Variants in SYT1 observed in about 807,000 individuals in gnomAD.
The protein encoded by SYT1 is synaptotagmin 1.
SYT1 carries 8 observed loss-of-function variants against 44.8 expected under a neutral mutation model. That is an observed-to-expected ratio of 0.18 (90% CI 0.10 to 0.32). The LOEUF (loss-of-function observed/expected upper bound fraction) is 0.32, where lower values mean the gene tolerates loss of function less well. Ranked by LOEUF, SYT1 falls within the 10% of genes least tolerant of loss-of-function variation. The probability of loss-of-function intolerance (pLI) is 1.00; values close to 1 mark genes in which losing one functional copy is unlikely to be tolerated. For missense variants in SYT1, 286 were observed against 509.3 expected (o/e 0.56, Z 4.22); for synonymous variants, 154 against 188.8 (o/e 0.82, Z 1.51).
intron 4 of SYT1, among the ~76,000 whole-genome samples, chr12:79,260,162 C>T (rs991946439): frequency 7.2e-5 from 11 of 152,156 alleles, no homozygotes; most frequent in Non-Finnish European, 4.4e-5. Flanking sequence ...TTTCATTGAA[C>T]TTCAAAGAAA....
intron 4 of SYT1, among the ~76,000 whole-genome samples, chr12:79,258,328 G>C (rs560978149): frequency 2.6e-4 from 39 of 152,214 alleles, no homozygotes; most frequent in Non-Finnish European, 4.7e-4. Context: ...TCAAAGGAAA[G>C]AGAGTACCAA....
intron 2 of SYT1, among the ~76,000 whole-genome samples, chr12:79,010,368 G>A (rs1004867010): frequency 6.6e-6 from 1 of 152,060 alleles, no homozygotes; most frequent in Non-Finnish European, 1.5e-5. Flanking sequence ...TGCCTACTAT[G>A]GAATCCTCCA....
intron 1 of SYT1, among the ~76,000 whole-genome samples, chr12:78,906,109 G>T (rs1875966345): frequency 6.6e-6 from 1 of 151,892 alleles, no homozygotes; most frequent in Admixed American, 6.6e-5. Context: ...AAAGAAATTT[G>T]TGTATTTAGA....
intron 2 of SYT1, among the ~76,000 whole-genome samples, chr12:78,992,441 G>C (rs902722196): frequency 6.6e-6 from 1 of 152,174 alleles, no homozygotes; most frequent in Non-Finnish European, 1.5e-5. Context: ...TTAGTGGCTT[G>C]TGATTGGCAT....
intron 1 of SYT1, among the ~76,000 whole-genome samples, chr12:78,875,576 C>T (rs1208839709): frequency 6.6e-6 from 1 of 151,510 alleles, no homozygotes; most frequent in Non-Finnish European, 1.5e-5. Flanking sequence ...GGTATAAAGA[C>T]ACTGGTTTTA....
chr12:78,955,530 G>A (rs978028912), intron 1 of SYT1: 1 of 152,060 alleles, frequency 6.6e-6, no homozygotes, highest in Admixed American at 6.6e-5. Flanking sequence ...CATTCCTTAT[G>A]GTGGTAACTT....
chr12:79,006,450 G>T (rs1871088933), intron 2 of SYT1, among the ~76,000 whole-genome samples: 1 of 152,004 alleles, frequency 6.6e-6, no homozygotes, highest in Non-Finnish European at 1.5e-5. Flanking sequence ...CTGTAAATGA[G>T]GTCTAGACAA....
At chr12:79,219,025 A>G (rs768561057) in intron 4 of SYT1, among the ~76,000 whole-genome samples, 1 of 151,926 alleles carries the variant, frequency 6.6e-6, no homozygotes, top group Admixed American at 6.6e-5. Flanking sequence ...GCCAACACTT[A>G]TATTTGATTT....
At chr12:79,179,360 A>AGATATAGATATATCGATATATCTATATC (rs1872269598) in intron 3 of SYT1, among the ~76,000 whole-genome samples, 1 of 66,450 alleles carries the variant, frequency 1.5e-5, no homozygotes, top group African/African-American at 8.1e-5. Flanking sequence ...ATATCGATAT[A>AGATATAGATATATCGATATATCTATATC]GATATAGATA....
At chr12:79,128,945 T>C (rs992806874) in intron 3 of SYT1, among the ~76,000 whole-genome samples, 1 of 152,164 alleles carries the variant, frequency 6.6e-6, no homozygotes, top group Non-Finnish European at 1.5e-5. Flanking sequence ...GAATTTTGTG[T>C]TTGTGTTTCA....
intron 4 of SYT1, among the ~76,000 whole-genome samples, chr12:79,273,514 G>A (rs902103321): frequency 6.6e-6 from 1 of 152,148 alleles, no homozygotes; most frequent in Non-Finnish European, 1.5e-5. Flanking sequence ...AGAAAACTGT[G>A]AGTCTCCAAA....
intron 3 of SYT1, among the ~76,000 whole-genome samples, chr12:79,066,489 T>A (rs200959955): frequency 4.4e-4 from 58 of 132,610 alleles, no homozygotes; most frequent in African/African-American, 1.5e-3. Flanking sequence ...AAAAAAAAAA[T>A]TAAAAAAAAA....
At chr12:79,075,623 T>G (rs1049240540) in intron 3 of SYT1, among the ~76,000 whole-genome samples, 1 of 152,188 alleles carries the variant, frequency 6.6e-6, no homozygotes, top group Admixed American at 6.6e-5. Context: ...TTGGTTTCCT[T>G]ATTTGTAAAA....
chr12:79,207,462 TCAAC>T (rs1874191680), intron 3 of SYT1, among the ~76,000 whole-genome samples: 1 of 152,186 alleles, frequency 6.6e-6, no homozygotes, highest in Non-Finnish European at 1.5e-5. Context: ...GCTGCGTCCA[TCAAC>T]CCATCACCTA....
intron 8 of SYT1, among the ~76,000 whole-genome samples, chr12:79,322,425 T>G (rs972357949): frequency 3.3e-5 from 5 of 152,314 alleles, no homozygotes; most frequent in Admixed American, 2.6e-4. Context: ...TTCCATATAT[T>G]TCTGTTTTTA....
At chr12:78,985,395 T>G (rs554459383) in intron 2 of SYT1, among the ~76,000 whole-genome samples, 20 of 152,024 alleles carry the variant, frequency 1.3e-4, no homozygotes, top group Non-Finnish European at 2.5e-4. Context: ...GAATATATTC[T>G]TTCTAAAATA....
chr12:79,417,957 A>G (rs909929730), intron 9 of SYT1, among the ~76,000 whole-genome samples: 2 of 152,208 alleles, frequency 1.3e-5, no homozygotes, highest in Non-Finnish European at 2.9e-5. Context: ...AATGCTGGGA[A>G]CACATATTGA....
intron 1 of SYT1, among the ~76,000 whole-genome samples, chr12:78,876,877 T>TATATTATATATAAAATATATTATAC (rs1565697852): frequency 1.9e-5 from 1 of 53,504 alleles, no homozygotes; most frequent in East Asian, 5.6e-4. Context: ...ATATATTATA[T>TATATTATATATAAAATATATTATAC]GTATTATATA....
At chr12:79,004,589 C>T (rs934300438) in intron 2 of SYT1, among the ~76,000 whole-genome samples, 3 of 151,778 alleles carry the variant, frequency 2.0e-5, no homozygotes, top group Admixed American at 6.6e-5. Context: ...GTTGCAATTG[C>T]TTTTGGATAT....
Sources: allele counts gnomAD v4.1 joint callset (sites outside exome capture counted in the v4.1 genomes callset), GRCh38; gene constraint gnomAD v4.1.1; transcripts MANE v1.5; gene names NCBI Gene and HGNC (gene_info 2026-07-23, HGNC 2026-07-21).